Variants in TXLNB observed in about 807,000 individuals in gnomAD.
The protein encoded by TXLNB is taxilin beta.
A neutral mutation model predicts 57.4 loss-of-function variants in TXLNB; 37 were observed. The ratio of observed to expected loss-of-function variants is 0.64; its 90% CI spans 0.50 to 0.85. The LOEUF (loss-of-function observed/expected upper bound fraction) is 0.85, where lower values mean the gene tolerates loss of function less well. Among genes scored for constraint, TXLNB ranks in the 40% least tolerant of loss-of-function variants. TXLNB has a pLI of 0.00. For synonymous variants in TXLNB, 302 were observed against 309.6 expected, an observed-to-expected ratio of 0.98 and a Z score of 0.26; for missense variants, 848 against 825.6, an observed-to-expected ratio of 1.03 and a Z score of -0.33.
At chr6:139,310,734 G>A in the TXLNB span, among the ~76,000 whole-genome samples, 5 of 152,072 alleles carry the variant, frequency 3.3e-5, no homozygotes, top group Admixed American at 2.0e-4. Context: ...TCACTCTGTC[G>A]CCCAGGCTGG....
downstream of TXLNB, among the ~76,000 whole-genome samples, chr6:139,235,627 A>G (rs1401908135): frequency 6.6e-6 from 1 of 152,038 alleles, no homozygotes; most frequent in Non-Finnish European, 1.5e-5. Flanking sequence ...TGTTCTTATG[A>G]TAGTGATATG....
downstream of TXLNB, among the ~76,000 whole-genome samples, chr6:139,238,348 C>G (rs1427252917): frequency 6.6e-6 from 1 of 152,146 alleles, no homozygotes; most frequent in Non-Finnish European, 1.5e-5. Context: ...AAGCCGATAT[C>G]ACGCCACTGC....
At chr6:139,311,824 C>T in the TXLNB span, among the ~76,000 whole-genome samples, 1 of 152,224 alleles carries the variant, frequency 6.6e-6, no homozygotes, top group East Asian at 1.9e-4. Context: ...AAACAACAAA[C>T]ATTTATTACT....
At chr6:139,280,213 C>T (rs1777008260) in intron 2 of TXLNB, among the ~76,000 whole-genome samples, 1 of 139,066 alleles carries the variant, frequency 7.2e-6, no homozygotes, top group South Asian at 2.2e-4. Flanking sequence ...GACTGTACCA[C>T]TGCACTCCGG....
chr6:139,247,694 T>G, intron 8 of TXLNB, 123 bp downstream of exon 8: 5 of 627,024 alleles, frequency 8.0e-6, no homozygotes, highest in Non-Finnish European at 1.4e-5. Context: ...TTCCTACCTA[T>G]AAACATTTCA....
chr6:139,202,706 T>C, the TXLNB span, among the ~76,000 whole-genome samples: 3,254 of 152,346 alleles, frequency 0.021, 121 homozygotes, highest in African/African-American at 0.074. Context: ...TTTTTTGTGT[T>C]AGAAACATTC....
chr6:139,244,461 C>G, intron 9 of TXLNB, 134 bp downstream of exon 9: 1 of 649,158 alleles, frequency 1.5e-6, no homozygotes, highest in Non-Finnish European at 2.8e-6. Flanking sequence ...TTTAAAATGT[C>G]ACATCCTGCC....
At chr6:139,283,001 T>C (rs1339482109) in intron 2 of TXLNB, 1 of 145,642 alleles carries the variant, frequency 6.9e-6, no homozygotes, top group Non-Finnish European at 1.5e-5. Flanking sequence ...GAGATACCTC[T>C]GAGCCTGGAG....
upstream of TXLNB, among the ~76,000 whole-genome samples, chr6:139,293,134 G>A (rs1327403019): frequency 6.6e-6 from 1 of 152,136 alleles, no homozygotes; most frequent in Non-Finnish European, 1.5e-5. Context: ...GTCTCGCTCT[G>A]TCACTCAGGC....
the TXLNB span, among the ~76,000 whole-genome samples, chr6:139,212,183 C>T: frequency 1.3e-5 from 2 of 152,170 alleles, no homozygotes; most frequent in African/African-American, 4.8e-5. Context: ...TTGTCAGATT[C>T]ACCAAAGTTG....
chr6:139,279,831 A>C (rs1370136113), intron 2 of TXLNB, among the ~76,000 whole-genome samples: 1 of 152,236 alleles, frequency 6.6e-6, no homozygotes, highest in African/African-American at 2.4e-5. Context: ...GCATGTGGGC[A>C]TGTAGCCACC....
At chr6:139,293,842 T>C (rs1015654774), upstream of TXLNB, among the ~76,000 whole-genome samples, 7 of 152,212 alleles carry the variant, frequency 4.6e-5, no homozygotes, top group South Asian at 1.2e-3. Flanking sequence ...TGAATTAAAA[T>C]TGATGAAAGA....
the TXLNB span, among the ~76,000 whole-genome samples, chr6:139,182,568 G>T: frequency 6.6e-6 from 1 of 152,062 alleles, no homozygotes; most frequent in Non-Finnish European, 1.5e-5. Context: ...TTTAGTAAAG[G>T]GTTAAATTTT....
At chr6:139,234,777 G>A in the TXLNB span, among the ~76,000 whole-genome samples, 8 of 152,310 alleles carry the variant, frequency 5.3e-5, no homozygotes, top group South Asian at 8.3e-4. Flanking sequence ...CTAGTGGAGC[G>A]TGGAGCTGTG....
the TXLNB span, among the ~76,000 whole-genome samples, chr6:139,217,457 A>G: frequency 6.6e-6 from 1 of 152,210 alleles, no homozygotes; most frequent in Non-Finnish European, 1.5e-5. Flanking sequence ...TTAATGCATA[A>G]TATTTAAATT....
chr6:139,293,331 C>T (rs2114657981), upstream of TXLNB, among the ~76,000 whole-genome samples: 1 of 152,172 alleles, frequency 6.6e-6, no homozygotes, highest in African/African-American at 2.4e-5. Context: ...ACCTCATGAT[C>T]CGCCCACCTC....
chr6:139,250,994 T>C (rs1251784922), intron 7 of TXLNB, among the ~76,000 whole-genome samples: 4 of 152,224 alleles, frequency 2.6e-5, no homozygotes, highest in Admixed American at 1.3e-4. Flanking sequence ...GGCAGAATGT[T>C]CTTTGTGGTG....
the TXLNB span, among the ~76,000 whole-genome samples, chr6:139,186,696 A>C: frequency 6.6e-6 from 1 of 152,232 alleles, no homozygotes; most frequent in Non-Finnish European, 1.5e-5. Flanking sequence ...TGTTTGTAAT[A>C]GCCCCAAAAA....
chr6:139,310,841 C>G, the TXLNB span, among the ~76,000 whole-genome samples: 12 of 152,306 alleles, frequency 7.9e-5, no homozygotes, highest in African/African-American at 2.9e-4. Context: ...ATTACAGGCA[C>G]TGGCCACCAT....
Sources: gnomAD v4.1 joint callset for allele counts (sites outside exome capture counted in the v4.1 genomes callset) on GRCh38, gnomAD v4.1.1 for gene constraint, MANE v1.5 for transcripts, NCBI Gene and HGNC (gene_info 2026-07-23, HGNC 2026-07-21) for gene names.